The following DAB1 variants were observed in gnomAD, a reference collection of about 807,000 sequenced individuals.
DAB1 encodes DAB adaptor protein 1, also known as disabled homolog 1.
Under a neutral mutation model 64.6 loss-of-function variants are expected in DAB1, and 15 were observed. That is an observed-to-expected ratio of 0.23 (90% CI 0.16 to 0.36). The LOEUF is 0.36. Ranked by LOEUF, DAB1 falls within the 10% of genes least tolerant of loss-of-function variation. DAB1 has a pLI of 1.00. For missense variants in DAB1, 596 were observed against 706.7 expected (o/e 0.84, Z 1.78); for synonymous variants, 235 against 251.9 (o/e 0.93, Z 0.64).
chr1:57,286,676 A>G (rs1672340355), intron 2 of DAB1, among the ~76,000 whole-genome samples: 1 of 152,210 alleles, frequency 6.6e-6, no homozygotes, highest in Non-Finnish European at 1.5e-5. Flanking sequence ...CATTCCTACC[A>G]AAAATCATTA....
At chr1:57,562,319 G>A (rs1272278458) in intron 7 of DAB1, among the ~76,000 whole-genome samples, 3 of 152,244 alleles carry the variant, frequency 2.0e-5, no homozygotes, top group African/African-American at 7.2e-5. Context: ...GTTGCAATGA[G>A]CTGAGATCGT....
intron 6 of DAB1, among the ~76,000 whole-genome samples, chr1:57,670,936 A>T (rs1646503430): frequency 6.6e-6 from 1 of 152,164 alleles, no homozygotes; most frequent in South Asian, 2.1e-4. Context: ...TAGTATTTGC[A>T]TGTAACCTAC....
At chr1:58,126,952 A>G (rs1450454407) in intron 5 of DAB1, among the ~76,000 whole-genome samples, 1 of 147,868 alleles carries the variant, frequency 6.8e-6, no homozygotes, top group Non-Finnish European at 1.5e-5. Flanking sequence ...AGCATTATTT[A>G]TAGTCATTTG....
chr1:57,291,031 C>T lies in DAB1; in HGVS notation c.-1G>A. 1 of 1,609,546 alleles carries T rather than the reference C, an allele frequency of 6.2e-7. No homozygotes were observed. The highest frequency in any genetic ancestry group is 8.5e-7 in the Non-Finnish European group (1 of 1,177,418). ...CTTGAAGTTCTGTCTCAGTTGACAT[C>T]CTACTTAATCCTTAGTCCACTTCAC... On this transcript the variant is annotated 5_prime_UTR_variant, in exon 2 of 15. Coordinates refer to ENST00000371236, the MANE Select transcript of DAB1 (RefSeq NM_001365792.1).
intron 7 of DAB1, among the ~76,000 whole-genome samples, chr1:57,645,818 CA>C (rs1306202060): frequency 2.0e-5 from 3 of 152,056 alleles, no homozygotes; most frequent in African/African-American, 7.2e-5. Flanking sequence ...CCACTGCCAC[CA>C]AAAATAACAG....
rs34183580 is a variant in DAB1, at chr1:57,493,126, A to ATG, written n.625+156464_625+156465dup. 9.1e-3 allele frequency among the ~76,000 whole-genome samples: 1,355 copies of ATG among 149,618 alleles called. 16 individuals are homozygous for ATG. Among genetic ancestry groups the ATG allele is most frequent in the African/African-American group, 0.03 (1,237 of 40,712 alleles). On this transcript the variant is annotated intron_variant and non_coding_transcript_variant, in intron 7 of 20. Transcript: ENST00000485760. ...GAAGGGCAGGGATCAAATTGTGTGT[A>ATG]TGTGTGTGTGTGTGTGTGTGTGGCA...
chr1:57,225,699 T>C (rs904904057), intron 2 of DAB1, among the ~76,000 whole-genome samples: 2 of 152,210 alleles, frequency 1.3e-5, no homozygotes, highest in Non-Finnish European at 2.9e-5. Flanking sequence ...GATACATTCC[T>C]AAAAAGCAAA....
At chr1:58,501,024 C>T (rs1298912627) in intron 3 of DAB1, among the ~76,000 whole-genome samples, 1 of 152,166 alleles carries the variant, frequency 6.6e-6, no homozygotes, top group Non-Finnish European at 1.5e-5. Context: ...GATACAACAT[C>T]TGCTCTTCAT....
chr1:58,043,352 T>C (rs964251453), intron 5 of DAB1, among the ~76,000 whole-genome samples: 1 of 152,176 alleles, frequency 6.6e-6, no homozygotes, highest in African/African-American at 2.4e-5. Context: ...AAAAACAATT[T>C]GGATAATATA....
intron 9 of DAB1, among the ~76,000 whole-genome samples, chr1:57,041,392 C>T (rs1433701645): frequency 6.6e-6 from 1 of 152,186 alleles, no homozygotes; most frequent in African/African-American, 2.4e-5. Context: ...CTGGAGAACA[C>T]TAATTCAATT....
At chr1:58,147,061 C>T (rs1356388342) in intron 5 of DAB1, among the ~76,000 whole-genome samples, 2 of 152,124 alleles carry the variant, frequency 1.3e-5, no homozygotes, top group African/African-American at 4.8e-5. Flanking sequence ...AATCCCAGCA[C>T]TTTGGGAGGC....
intron 7 of DAB1, among the ~76,000 whole-genome samples, chr1:57,526,280 T>C (rs762509464): frequency 2.0e-5 from 3 of 152,162 alleles, no homozygotes; most frequent in Non-Finnish European, 4.4e-5. Context: ...ACTCTGCCCT[T>C]ACCTAGTATG....
chr1:57,791,247 C>A (rs535826989), intron 6 of DAB1, among the ~76,000 whole-genome samples: 1 of 152,222 alleles, frequency 6.6e-6, no homozygotes, highest in South Asian at 2.1e-4. Context: ...TGCCCTAGGC[C>A]CCCCTGTGTT....
chr1:57,467,302 T>G (rs1686985184), intron 7 of DAB1, among the ~76,000 whole-genome samples: 1 of 152,186 alleles, frequency 6.6e-6, no homozygotes, highest in Admixed American at 6.5e-5. Flanking sequence ...AAGAGCCTTA[T>G]ACAATGCTTA....
intron 4 of DAB1, among the ~76,000 whole-genome samples, chr1:57,125,712 C>T (rs1217148364): frequency 6.6e-6 from 1 of 152,142 alleles, no homozygotes; most frequent in Non-Finnish European, 1.5e-5. Context: ...ACATTTTATG[C>T]AACCTTCTAC....
intron 4 of DAB1, among the ~76,000 whole-genome samples, chr1:58,239,824 A>G (rs1026198403): frequency 3.3e-5 from 5 of 152,190 alleles, no homozygotes; most frequent in African/African-American, 1.2e-4. Context: ...GAGTGGAGCA[A>G]TAAAGGACTA....
At chr1:58,489,474 C>T (rs563347930) in intron 3 of DAB1, among the ~76,000 whole-genome samples, 92 of 152,356 alleles carry the variant, frequency 6.0e-4, no homozygotes, top group Non-Finnish European at 3.8e-4. Flanking sequence ...CCCACTGCAG[C>T]TCAAGGAGGC....
At chr1:58,349,206 C>A (rs144341534) in intron 3 of DAB1, among the ~76,000 whole-genome samples, 1 of 152,122 alleles carries the variant, frequency 6.6e-6, no homozygotes. Flanking sequence ...AGCCTGAGCC[C>A]CTGCTCTTCT....
At chr1:57,827,727 A>G in intron 1 of DAB1, among the ~76,000 whole-genome samples, 1 of 152,122 alleles carries the variant, frequency 6.6e-6, no homozygotes, top group South Asian at 2.1e-4. Context: ...TCTGGAACAC[A>G]CAAAGGCTAC....
Sources: gnomAD v4.1 joint callset for allele counts (sites outside exome capture counted in the v4.1 genomes callset) on GRCh38, gnomAD v4.1.1 for gene constraint, MANE v1.5 for transcripts, NCBI Gene and HGNC (gene_info 2026-07-23, HGNC 2026-07-21) for gene names.